Variants in TP53I13 observed in about 807,000 individuals in gnomAD.
TP53I13 encodes tumor protein p53-inducible protein 13.
In TP53I13, 27 loss-of-function variants were observed where a neutral mutation model predicts 39.1. That is an observed-to-expected ratio of 0.69 (90% CI 0.51 to 0.95). The LOEUF is 0.95. Among genes scored for constraint, TP53I13 ranks in the 40% least tolerant of loss-of-function variants. The pLI is 0.00. For missense variants in TP53I13, 544 were observed against 520.4 expected, an observed-to-expected ratio of 1.05 and a Z score of -0.44; for synonymous variants, 230 against 224.6, an observed-to-expected ratio of 1.02 and a Z score of -0.22.
At position 29,568,745 on chromosome 17, in the gene TP53I13, C is replaced by G. The variant is rs776924655; in HGVS notation, c.-14C>G. The G allele has an allele frequency of 4.5e-6, 7 of 1,559,356 alleles. No individual in the cohort carries two copies. The African/African-American group carries it at 5.6e-5, about 12-fold the overall frequency. ...GAGCGGCTGGGCGGCGGGCCGGGCC[C>G]GGGGCCGCTTGGAATGGCGCCTCCT... On this transcript the variant is annotated 5_prime_UTR_variant, in exon 1 of 7. Transcript: ENST00000301057. This position sits in a 1 kb window ranked among gnomAD's most constrained non-coding sequence, Gnocchi z 4.5.
chr17:29,571,865 G>A lies in TP53I13; in HGVS notation c.321G>A (p.Val107=). 1.2e-6 allele frequency: 2 copies of A among 1,613,276 alleles called. No homozygotes were observed. Among genetic ancestry groups the A allele is most frequent in the Non-Finnish European group, 1.7e-6 (2 of 1,179,936 alleles). Residue 107 remains valine (V), a synonymous_variant, in exon 5 of 7, where the codon GTG becomes GTA. Transcript: ENST00000301057. ...GTTACCTCCTCTCGTAGCCCCTGGT[G>A]CTGACTGCATGGGGGCTGGCGCTGG... ...DFSLTQDRPL[V]LTAWGLALEM...
At chr17:29,576,736 G>T (rs985604294), downstream of TP53I13, 255 of 1,600,752 alleles carry the variant, frequency 1.6e-4, no homozygotes, top group Non-Finnish European at 1.8e-4. Context: ...CCCGCAGGGG[G>T]CAGTTATTGA....
downstream of TP53I13, chr17:29,574,954 G>A (rs753938693): frequency 6.6e-7 from 1 of 1,520,258 alleles, no homozygotes; most frequent in Admixed American, 2.0e-5. Context: ...TGGACTTTAA[G>A]CCACCAGCTG....
Position 29,572,812 on chromosome 17 carries a change from C to G in TP53I13, c.1070C>G (p.Ala357Gly), listed in dbSNP as rs1263770701. 1 of 1,534,326 alleles carries G rather than the reference C, an allele frequency of 6.5e-7. No homozygotes were observed. The change falls in exon 7 of 7, where the codon GCT becomes GGT. Residue 357 changes from alanine (A) to glycine (G), a missense_variant and splice_region_variant. Coordinates refer to ENST00000301057, the MANE Select transcript of TP53I13 (RefSeq NM_138349.4). ...PTADSQDTVA[A>G]VLKRRLLQPS... ...TGACTGCTCGGCGCCCGGCCCACAGCTGTGCTGAAGCGGAGGCTGCTGCAG... is the reference window on the plus strand; with the variant it reads ...TGACTGCTCGGCGCCCGGCCCACAGGTGTGCTGAAGCGGAGGCTGCTGCAG...
the TP53I13 span, chr17:29,581,158 T>C: frequency 1.6e-6 from 1 of 624,034 alleles, no homozygotes; most frequent in Non-Finnish European, 2.9e-6. The surrounding 1 kb of genome is among the most constrained non-coding windows in gnomAD (Gnocchi z 4.8). Context: ...CATATGGAGC[T>C]GACATTTTTT....
At chr17:29,577,869 G>A, downstream of TP53I13, 3 of 667,110 alleles carry the variant, frequency 4.5e-6, no homozygotes, top group South Asian at 3.4e-5. Context: ...CAGAACAGGG[G>A]TGGTCTTTGG....
At position 29,572,395 on chromosome 17, in the gene TP53I13, C is replaced by T. The variant is rs372398254; in HGVS notation, c.767C>T (p.Pro256Leu). Residue 256 changes from proline (P) to leucine (L), a missense_variant, in exon 6 of 7, where the codon CCG (proline) becomes CTG (leucine). Transcript: ENST00000301057. ...TCTGTGCCCACTGTCTCCCTGCTGC[C>T]GGGGGCGCCTGGAGGCAATGCCAGC... Reference protein sequence around the residue: ...APSVPTVSLLPGAPGGNASSR... With the variant: ...APSVPTVSLLLGAPGGNASSR... The T allele has an allele frequency of 1.4e-5, 22 of 1,595,594 alleles. No individual in the cohort carries two copies. Among genetic ancestry groups the T allele is most frequent in the Admixed American group, 6.7e-5 (4 of 59,352 alleles).
chr17:29,566,634 G>C (rs2032719295), upstream of TP53I13: 6 of 1,607,186 alleles, frequency 3.7e-6, no homozygotes, highest in African/African-American at 1.3e-5. Flanking sequence ...GCAGGACGAA[G>C]TGGCAGAGGG....
chr17:29,568,687 G>T (rs1253724258), upstream of TP53I13: 1 of 986,508 alleles, frequency 1.0e-6, no homozygotes. The surrounding 1 kb of genome is among the most constrained non-coding windows in gnomAD (Gnocchi z 4.5). Flanking sequence ...GCTGGGGCTG[G>T]AGGGGCGGGG....
rs762264129 is a variant in TP53I13, at chr17:29,568,762, G to T, written c.4G>T (p.Ala2Ser). 1 of 1,583,880 alleles carries T rather than the reference G, an allele frequency of 6.3e-7. No individual in the cohort carries two copies. The highest frequency in any genetic ancestry group is 1.1e-5 in the South Asian group (1 of 89,526). Reference protein sequence around the residue: MAPPPPSPQLLL... With the variant: MSPPPPSPQLLL... ...GCCGGGCCCGGGGCCGCTTGGAATG[G>T]CGCCTCCTCCGCCTTCGCCCCAACT... The change falls in exon 1 of 7, where the codon GCG becomes TCG. Residue 2 changes from alanine (A) to serine (S), a missense_variant. By Grantham distance (99) the Ala-to-Ser change is moderately conservative (BLOSUM62 1). Coordinates refer to ENST00000301057, the MANE Select transcript of TP53I13 (RefSeq NM_138349.4). This position sits in a 1 kb window ranked among gnomAD's most constrained non-coding sequence, Gnocchi z 4.5.
chr17:29,573,027 C>G lies in TP53I13; in HGVS notation c.*103C>G. On this transcript the variant is annotated 3_prime_UTR_variant, in exon 7 of 7. Transcript: ENST00000301057. ...GCGGGGCGCTCCCTGGTGGCGATGG[C>G]GCGGCACTGGCCGAGCACTGCGGGG... The G allele has an allele frequency of 1.0e-6, 1 of 961,908 alleles. No individual in the cohort carries two copies. Among genetic ancestry groups the G allele is most frequent in the Non-Finnish European group, 1.4e-6 (1 of 714,648 alleles). The allele number at this position is 961,908 out of a possible 1,614,324, so 59.6% of individuals were successfully genotyped here.
chr17:29,581,281 C>A, the TP53I13 span: 1 of 1,360,632 alleles, frequency 7.3e-7, no homozygotes, highest in Non-Finnish European at 1.1e-6. The surrounding 1 kb of genome is among the most constrained non-coding windows in gnomAD (Gnocchi z 4.8). Flanking sequence ...CTCTGGGGGT[C>A]AGCCACCCAC....
At chr17:29,581,557 C>T in the TP53I13 span, 2 of 701,902 alleles carry the variant, frequency 2.8e-6, no homozygotes, top group South Asian at 3.3e-5. This position sits in a 1 kb window ranked among gnomAD's most constrained non-coding sequence, Gnocchi z 4.8. Flanking sequence ...TGCCCACCCC[C>T]ACTCCCTAGC....
At chr17:29,573,692 GC>G (rs2033071445), downstream of TP53I13, 1 of 152,474 alleles carries the variant, frequency 6.6e-6, no homozygotes, top group Admixed American at 6.5e-5. Flanking sequence ...GATGGTGGGT[GC>G]TGGCCTTGCA....
chr17:29,572,874 C>A lies in TP53I13; in HGVS notation c.1132C>A (p.Leu378Ile). 6.6e-7 allele frequency: 1 copy of A among 1,519,550 alleles called. No homozygotes were observed. Among genetic ancestry groups the A allele is most frequent in the Non-Finnish European group, 8.8e-7 (1 of 1,140,814 alleles). The allele number at this position is 1,519,550 out of a possible 1,614,324, so 94.1% of individuals were successfully genotyped here. A position where few individuals can be genotyped will look rare whatever the true frequency, so the allele number is the denominator to read the frequency against. ...RRVKRSRRRP[L>I]LPPTPDSGPE... Reference sequence around the variant, plus strand: ...GGTCAAGCGCTCGCGCCGGAGACCCCTCCTCCCGCCCACGCCGGACAGCGG... The same window carrying A: ...GGTCAAGCGCTCGCGCCGGAGACCCATCCTCCCGCCCACGCCGGACAGCGG... The change falls in exon 7 of 7, where the codon CTC becomes ATC. Residue 378 changes from leucine to isoleucine, a missense_variant. Transcript: ENST00000301057.
downstream of TP53I13, chr17:29,577,166 G>A: frequency 6.2e-7 from 1 of 1,613,916 alleles, no homozygotes; most frequent in Non-Finnish European, 8.5e-7. Context: ...TTGCCCTGCT[G>A]TCTCCGCTTG....
chr17:29,572,580 A>T lies in TP53I13; in HGVS notation c.952A>T (p.Thr318Ser). 6.3e-7 allele frequency: 1 copy of T among 1,596,326 alleles called. No individual in the cohort carries two copies. Residue 318 changes from threonine (T) to serine (S), a missense_variant, in exon 6 of 7, where the codon ACC (threonine) becomes TCC (serine). Thr to Ser is a moderately conservative substitution (Grantham distance 58, BLOSUM62 1). Transcript: ENST00000301057. ...GGCCGCCTGGGCTGCCATGGCCCTGACCTTCCTGCTGGTGCTGCTCACCCT... is the reference window on the plus strand; with the variant it reads ...GGCCGCCTGGGCTGCCATGGCCCTGTCCTTCCTGCTGGTGCTGCTCACCCT... Reference protein sequence around the residue: ...EEAAWAAMALTFLLVLLTLAT... With the variant: ...EEAAWAAMALSFLLVLLTLAT...
chr17:29,575,540 G>A (rs1471872246), downstream of TP53I13: 7 of 1,555,250 alleles, frequency 4.5e-6, no homozygotes, highest in South Asian at 3.4e-5. The surrounding 1 kb of genome is among the most constrained non-coding windows in gnomAD (Gnocchi z 5.5). Flanking sequence ...CCTCGGAGCC[G>A]CCCGCCTTGG....
upstream of TP53I13, chr17:29,567,086 G>C (rs546152473): frequency 2.0e-5 from 18 of 904,546 alleles, no homozygotes; most frequent in Admixed American, 5.1e-5. This position sits in a 1 kb window ranked among gnomAD's most constrained non-coding sequence, Gnocchi z 6.6. Context: ...CCGCGCGGGC[G>C]CGCTCTGGAT....
Sources: allele counts gnomAD v4.1 joint callset, GRCh38; gene constraint gnomAD v4.1.1; non-coding constraint Gnocchi (gnomAD v3.1); transcripts MANE v1.5; gene names NCBI Gene and HGNC (gene_info 2026-07-23, HGNC 2026-07-21).